The following STK24 variants were observed in gnomAD, a reference collection of about 807,000 sequenced individuals.
STK24 encodes the protein serine/threonine-protein kinase 24.
A neutral mutation model predicts 55.6 loss-of-function variants in STK24; 21 were observed. The ratio of observed to expected loss-of-function variants is 0.38; its 90% confidence interval spans 0.27 to 0.54. STK24 has a LOEUF of 0.54. Among genes scored for constraint, STK24 ranks in the 20% least tolerant of loss-of-function variants. The pLI, the probability that STK24 is intolerant of heterozygous loss-of-function variation, is 0.79. For synonymous variants in STK24, 200 were observed against 215.2 expected, an observed-to-expected ratio of 0.93 and a Z score of 0.62; for missense variants, 383 against 538.4, an observed-to-expected ratio of 0.71 and a Z score of 2.86.
At chr13:98,519,032 G>T (rs568632502) in intron 2 of STK24, among the ~76,000 whole-genome samples, 2 of 152,316 alleles carry the variant, frequency 1.3e-5, no homozygotes, top group African/African-American at 2.4e-5. Flanking sequence ...AAGAGAATTA[G>T]AACATCAAAC....
Position 98,521,773 on chromosome 13 carries a change from A to C in STK24, c.43-2300T>G, listed in dbSNP as rs771334046. The C allele has an allele frequency of 5.1e-6, 4 of 780,912 alleles. No individual in the cohort carries two copies. The Admixed American group carries it at 6.8e-5, about 13-fold the overall frequency. The allele number at this position is 780,912 out of a possible 1,614,324, so 48.4% of individuals were successfully genotyped here. ...TCGCTGCTTTCATGCCCTCTCCCTT[A>C]CCGTGCTCCCTCCAGGATGAGGTAG... is the stretch of plus-strand genomic sequence containing the variant. On this transcript the variant is annotated intron_variant, in intron 1 of 10. Transcript: ENST00000539966.
At chr13:98,576,242 G>T in intron 1 of STK24, 1 of 984,618 alleles carries the variant, frequency 1.0e-6, no homozygotes. Context: ...GCTCGGGCCC[G>T]GACGAGTCCA....
At chr13:98,534,903 C>G (rs1226904192) in intron 1 of STK24, among the ~76,000 whole-genome samples, 2 of 152,234 alleles carry the variant, frequency 1.3e-5, no homozygotes, top group Non-Finnish European at 2.9e-5. Context: ...GTATAGCCAG[C>G]ACTATGTGAA....
chr13:98,563,100 G>A (rs1237591190), intron 1 of STK24, among the ~76,000 whole-genome samples: 1 of 152,068 alleles, frequency 6.6e-6, no homozygotes, highest in Non-Finnish European at 1.5e-5. Flanking sequence ...CCAGAGGAAG[G>A]AACCAGGGAT....
At chr13:98,545,171 C>T (rs766220970) in intron 1 of STK24, among the ~76,000 whole-genome samples, 4 of 152,154 alleles carry the variant, frequency 2.6e-5, no homozygotes, top group African/African-American at 4.8e-5. Context: ...GAGGGACAGG[C>T]GTACTCCTGC....
Position 98,448,602 on chromosome 13 carries a change from C to T in STK24, c.*4571G>A, listed in dbSNP as rs1306173887. On this transcript the variant is annotated 3_prime_UTR_variant, in exon 11 of 11. Coordinates refer to ENST00000539966, the MANE Select transcript of STK24 (RefSeq NM_001032296.4). ...AGAGTGCCAAATGACATCTTCCCTC[C>T]ACCCTGCCCCTGAAAAACAGTACAC... 1 of 378,436 alleles carries T rather than the reference C, an allele frequency of 2.6e-6. No individual in the cohort carries two copies. Among genetic ancestry groups the T allele is most frequent in the African/African-American group, 2.1e-5 (1 of 48,012 alleles). The allele number at this position is 378,436 out of a possible 1,614,324, so 23.4% of individuals were successfully genotyped here. A position where few individuals can be genotyped will look rare whatever the true frequency, so the allele number is the denominator to read the frequency against.
At chr13:98,502,720 C>T (rs1009226054) in intron 2 of STK24, among the ~76,000 whole-genome samples, 2 of 152,218 alleles carry the variant, frequency 1.3e-5, no homozygotes, top group Non-Finnish European at 2.9e-5. Context: ...ATGCCAGTAC[C>T]ATGTTCTTGG....
At chr13:98,550,731 T>A (rs1314009605) in intron 1 of STK24, among the ~76,000 whole-genome samples, 2 of 151,980 alleles carry the variant, frequency 1.3e-5, no homozygotes, top group Non-Finnish European at 2.9e-5. Context: ...GGTAAAAAAA[T>A]ACTCATTTGC....
intron 5 of STK24, among the ~76,000 whole-genome samples, chr13:98,466,942 C>T (rs1278525531): frequency 3.3e-5 from 5 of 152,154 alleles, no homozygotes; most frequent in Non-Finnish European, 5.9e-5. Flanking sequence ...GAACTTAGGG[C>T]ACAGCTCTGA....
At chr13:98,556,302 T>G (rs1312079874) in intron 1 of STK24, among the ~76,000 whole-genome samples, 2 of 152,130 alleles carry the variant, frequency 1.3e-5, no homozygotes, top group African/African-American at 2.4e-5. Flanking sequence ...GAAAAAGAGG[T>G]GCTCTTTGTC....
chr13:98,479,899 T>A (rs142004052), intron 3 of STK24, among the ~76,000 whole-genome samples: 1 of 151,512 alleles, frequency 6.6e-6, no homozygotes, highest in African/African-American at 2.4e-5. Context: ...ACATCAGAGG[T>A]TGGTAGAGGA....
chr13:98,521,728 G>A lies in STK24; in HGVS notation c.43-2255C>T, dbSNP rs202146384. 100 of 773,498 alleles carry A rather than the reference G, an allele frequency of 1.3e-4. No individual in the cohort carries two copies. In the East Asian group the frequency reaches 1.3e-3, roughly 10 times the overall value. 47.9% of individuals were successfully genotyped at this position (773,498 alleles called of 1,614,324 possible). A position where few individuals can be genotyped will look rare whatever the true frequency, so the allele number is the denominator to read the frequency against. On this transcript the variant is annotated intron_variant, in intron 1 of 10. Coordinates refer to ENST00000539966, the MANE Select transcript of STK24 (RefSeq NM_001032296.4). The stretch of plus-strand genomic sequence containing the variant: ...TTTTAGCTATAATGAAACATACCCC[G>A]TTTTCAGCAGCTACTATCCTCGCTG...
intron 1 of STK24, among the ~76,000 whole-genome samples, chr13:98,532,795 TTAC>T (rs777198199): frequency 1.3e-5 from 2 of 152,228 alleles, no homozygotes; most frequent in Non-Finnish European, 2.9e-5. Flanking sequence ...AATCTACTAA[TTAC>T]TACAATGTAA....
At chr13:98,560,150 C>G (rs967594415) in intron 1 of STK24, among the ~76,000 whole-genome samples, 2 of 152,206 alleles carry the variant, frequency 1.3e-5, no homozygotes, top group Non-Finnish European at 2.9e-5. Flanking sequence ...TGATGTGCAG[C>G]TACTCACAGT....
At chr13:98,459,336 C>T (rs981485027) in intron 9 of STK24, among the ~76,000 whole-genome samples, 6 of 152,262 alleles carry the variant, frequency 3.9e-5, no homozygotes, top group African/African-American at 9.6e-5. Context: ...CCGACACCAG[C>T]GGGCTCGGCT....
At chr13:98,476,946 G>A (rs947040237) in intron 3 of STK24, among the ~76,000 whole-genome samples, 4 of 152,182 alleles carry the variant, frequency 2.6e-5, no homozygotes, top group African/African-American at 4.8e-5. Flanking sequence ...TGCACTTGTC[G>A]CTTTTAGTTT....
chr13:98,504,447 G>A (rs1032016649), intron 2 of STK24, among the ~76,000 whole-genome samples: 46 of 152,356 alleles, frequency 3.0e-4, no homozygotes, highest in Non-Finnish European at 2.8e-4. Flanking sequence ...TCAGAGCTTA[G>A]TCTCTCAAAC....
chr13:98,566,771 TGAA>T (rs1285533569), intron 1 of STK24, among the ~76,000 whole-genome samples: 2 of 152,220 alleles, frequency 1.3e-5, no homozygotes, highest in East Asian at 3.8e-4. Context: ...GCAGAACTGC[TGAA>T]GAAGTGAGGC....
Position 98,453,130 on chromosome 13 carries a change from GA to G in STK24, c.*42del. 6.2e-7 allele frequency: 1 copy of G among 1,608,920 alleles called. No individual in the cohort carries two copies. On this transcript the variant is annotated 3_prime_UTR_variant, in exon 11 of 11. Transcript: ENST00000539966. ...ACTTTTAAAAAAGGAGGAGGATGAA[GA>G]AGGAAAAAAGGAAAAACAAAACCCC...
Sources: allele counts gnomAD v4.1 joint callset (sites outside exome capture counted in the v4.1 genomes callset), GRCh38; gene constraint gnomAD v4.1.1; transcripts MANE v1.5; gene names NCBI Gene and HGNC (gene_info 2026-07-23, HGNC 2026-07-21).